Variants in CPED1 observed in about 807,000 individuals in gnomAD.
CPED1 encodes the protein cadherin-like and PC-esterase domain-containing protein 1.
A neutral mutation model predicts 128.2 loss-of-function variants in CPED1; 114 were observed. That is an observed-to-expected ratio of 0.89 (90% CI 0.76 to 1.04). CPED1 has a LOEUF of 1.04. CPED1 is among the 50% of genes least tolerant of loss of function. CPED1 has a pLI of 0.00. For missense variants in CPED1, 1,211 were observed against 1,207.1 expected (o/e 1.00, Z -0.05); for synonymous variants, 462 against 426.7 (o/e 1.08, Z -1.02).
At chr7:121,096,934 A>G (rs1794714513) in intron 5 of CPED1, among the ~76,000 whole-genome samples, 1 of 152,152 alleles carries the variant, frequency 6.6e-6, no homozygotes, top group South Asian at 2.1e-4. Flanking sequence ...AATTACATCA[A>G]CTTTTATATT....
rs552711827 is a variant in CPED1, at chr7:121,144,272, G to A, written c.2055+2131G>A. ...TTGCAGCATTATTCACAATAGCCAAGATATGGAATCAACCTAAGTGTCCAT... is the reference window on the plus strand; with the variant it reads ...TTGCAGCATTATTCACAATAGCCAAAATATGGAATCAACCTAAGTGTCCAT... On this transcript the variant is annotated intron_variant, in intron 16 of 22. Transcript: ENST00000310396. 1.4e-4 allele frequency among the ~76,000 whole-genome samples: 21 copies of A among 152,158 alleles called. No homozygotes were observed. The South Asian group carries it at 2.9e-3, about 21-fold the overall frequency.
intron 13 of CPED1, 63 bp from the exon 14 acceptor site, chr7:121,135,977 T>C: frequency 1.6e-6 from 2 of 1,251,540 alleles, no homozygotes; most frequent in South Asian, 1.6e-5. Context: ...AATAGCTAAA[T>C]GTATATTTTA....
chr7:121,169,622 A>G (rs1318499855), intron 16 of CPED1, among the ~76,000 whole-genome samples: 7 of 152,194 alleles, frequency 4.6e-5, no homozygotes, highest in Non-Finnish European at 7.4e-5. Flanking sequence ...TAAACTTTTA[A>G]ATTTGCCACT....
intron 16 of CPED1, among the ~76,000 whole-genome samples, chr7:121,176,503 A>C (rs1439346927): frequency 6.6e-6 from 1 of 152,078 alleles, no homozygotes; most frequent in Non-Finnish European, 1.5e-5. Context: ...TACTAAATAC[A>C]TATAAGCCAA....
chr7:121,125,752 A>G, intron 8 of CPED1, 68 bp from the exon 9 acceptor site: 4 of 1,172,550 alleles, frequency 3.4e-6, no homozygotes, highest in Non-Finnish European at 5.1e-6. Context: ...GCTGTTATAA[A>G]TAGTGCATTA....
chr7:120,989,605 G>A lies in CPED1; in HGVS notation c.-17G>A, dbSNP rs777840717. 1.9e-6 allele frequency: 3 copies of A among 1,612,374 alleles called. No homozygotes were observed. The highest frequency in any genetic ancestry group is 2.5e-6 in the Non-Finnish European group (3 of 1,179,218). On this transcript the variant is annotated 5_prime_UTR_variant, in exon 2 of 23. In the 5' UTR this introduces an upstream ATG that the reference lacks. Transcript: ENST00000310396. Reference sequence around the variant, plus strand: ...TTCCCGCAACGTGGACAGGGGCCAAGTGAAGCTGAACTGGTCATGGTCTGT... The same window carrying A: ...TTCCCGCAACGTGGACAGGGGCCAAATGAAGCTGAACTGGTCATGGTCTGT...
At chr7:121,181,344 G>A (rs1796893261) in intron 16 of CPED1, among the ~76,000 whole-genome samples, 1 of 152,032 alleles carries the variant, frequency 6.6e-6, no homozygotes, top group African/African-American at 2.4e-5. Flanking sequence ...CCTGTAACTT[G>A]AAGTTTCCAG....
At chr7:121,204,216 A>T (rs529762246) in intron 16 of CPED1, among the ~76,000 whole-genome samples, 1 of 152,226 alleles carries the variant, frequency 6.6e-6, no homozygotes, top group East Asian at 1.9e-4. Context: ...AAAAAAAATT[A>T]TATCCTTTCC....
chr7:121,140,942 A>G lies in CPED1; in HGVS notation c.1815A>G (p.Val605=). The G allele has an allele frequency of 6.2e-7, 1 of 1,612,700 alleles. No individual in the cohort carries two copies. Among genetic ancestry groups the G allele is most frequent in the Non-Finnish European group, 8.5e-7 (1 of 1,179,202 alleles). Reference sequence around the variant, plus strand: ...ACTGTGAAGTCCCATTTGATGTGGTAACAGTGACAATTGGAGTGGAAACTC... The same window carrying G: ...ACTGTGAAGTCCCATTTGATGTGGTGACAGTGACAATTGGAGTGGAAACTC... ...DYYCEVPFDV[V]TVTIGVETPK... is the part of the protein sequence containing the mutation. Residue 605 remains valine (V), a synonymous_variant, in exon 15 of 23, where the codon GTA becomes GTG. Coordinates refer to ENST00000310396, the MANE Select transcript of CPED1 (RefSeq NM_024913.5).
At chr7:121,093,869 C>G (rs1007074750) in intron 5 of CPED1, among the ~76,000 whole-genome samples, 2 of 152,060 alleles carry the variant, frequency 1.3e-5, no homozygotes, top group Non-Finnish European at 1.5e-5. Context: ...TGAACTATAC[C>G]CATGTGTTTG....
chr7:121,222,071 G>C (rs1308977308), intron 16 of CPED1, among the ~76,000 whole-genome samples: 1 of 152,086 alleles, frequency 6.6e-6, no homozygotes, highest in Admixed American at 6.6e-5. Flanking sequence ...TTTTCTTCTA[G>C]AAATTTTATG....
chr7:121,279,567 G>A lies in CPED1; in HGVS notation c.2868+8137G>A, dbSNP rs188798752. On this transcript the variant is annotated intron_variant, in intron 22 of 22. Transcript: ENST00000310396. ...AAAATAAGGTACAACTGAAAGTGCC[G>A]AGAGAAGAGAAATACTAGCTGTGAG... Among the ~76,000 whole-genome samples, 227 of 152,028 alleles carry A rather than the reference G, an allele frequency of 1.5e-3. 2 individuals are homozygous for A. The highest frequency in any genetic ancestry group is 5.0e-3 in the African/African-American group (207 of 41,492).
intron 5 of CPED1, among the ~76,000 whole-genome samples, chr7:121,083,446 T>C (rs1216145642): frequency 6.6e-6 from 1 of 152,220 alleles, no homozygotes; most frequent in Non-Finnish European, 1.5e-5. Context: ...AATTCACTGA[T>C]TGTGCTGCCA....
intron 5 of CPED1, among the ~76,000 whole-genome samples, chr7:121,073,807 ATTTT>A (rs34082656): frequency 1.6e-3 from 214 of 134,276 alleles, no homozygotes; most frequent in East Asian, 8.5e-3. Flanking sequence ...ACCTCTTCCC[ATTTT>A]TTTTTTTTTT....
chr7:121,043,937 A>G (rs890527808), intron 3 of CPED1, among the ~76,000 whole-genome samples: 1 of 152,184 alleles, frequency 6.6e-6, no homozygotes, highest in Non-Finnish European at 1.5e-5. Context: ...GACCTTGGGC[A>G]TTTGCCTCCT....
At chr7:121,170,081 C>T (rs1796617130) in intron 16 of CPED1, among the ~76,000 whole-genome samples, 1 of 152,168 alleles carries the variant, frequency 6.6e-6, no homozygotes, top group African/African-American at 2.4e-5. Flanking sequence ...TCTTGCCATG[C>T]CTGCCACCTC....
chr7:121,080,703 T>G (rs949227005), intron 5 of CPED1, among the ~76,000 whole-genome samples: 1 of 75,092 alleles, frequency 1.3e-5, no homozygotes, highest in African/African-American at 4.9e-5. Context: ...TTTAAAAACC[T>G]TCATTTTACA....
chr7:121,199,485 C>G (rs1294465371), intron 16 of CPED1, among the ~76,000 whole-genome samples: 2 of 151,366 alleles, frequency 1.3e-5, no homozygotes, highest in Non-Finnish European at 2.9e-5. Context: ...CTAGACCATC[C>G]TGGCCAGCAT....
chr7:121,084,927 A>T (rs1335707250), intron 5 of CPED1, among the ~76,000 whole-genome samples: 1 of 152,240 alleles, frequency 6.6e-6, no homozygotes, highest in Non-Finnish European at 1.5e-5. Flanking sequence ...TCTATCTTGC[A>T]TAAGGCACAA....
Sources: allele counts gnomAD v4.1 joint callset (sites outside exome capture counted in the v4.1 genomes callset), GRCh38; gene constraint gnomAD v4.1.1; transcripts MANE v1.5; gene names NCBI Gene and HGNC (gene_info 2026-07-23, HGNC 2026-07-21).